The following CFAP54 variants were observed in gnomAD, a reference collection of about 807,000 sequenced individuals.
CFAP54 encodes the protein cilia- and flagella-associated protein 54.
Under a neutral mutation model 370.4 loss-of-function variants are expected in CFAP54, and 290 were observed. The ratio of observed to expected loss-of-function variants is 0.78; its 90% confidence interval spans 0.71 to 0.86. The LOEUF is 0.86. Among genes scored for constraint, CFAP54 ranks in the 40% least tolerant of loss-of-function variants. The probability of loss-of-function intolerance (pLI) is 0.00; values close to 1 mark genes in which losing one functional copy is unlikely to be tolerated. For synonymous variants in CFAP54, 1,206 were observed against 1,236.5 expected (o/e 0.98, Z 0.52); for missense variants, 3,399 against 3,528.7 (o/e 0.96, Z 0.93).
chr12:96,826,904 A>G (rs1959120062), intron 65 of CFAP54, among the ~76,000 whole-genome samples: 1 of 127,160 alleles, frequency 7.9e-6, no homozygotes, highest in Non-Finnish European at 1.6e-5. Flanking sequence ...GATATATTAT[A>G]TATGCAATTA....
chr12:96,592,094 A>G (rs182428870), intron 23 of CFAP54, among the ~76,000 whole-genome samples: 116 of 152,222 alleles, frequency 7.6e-4, no homozygotes, highest in African/African-American at 2.7e-3. Flanking sequence ...AGTGTCTTGT[A>G]CATAGTAGGC....
At chr12:96,759,070 A>C (rs1411385956) in intron 58 of CFAP54, among the ~76,000 whole-genome samples, 1 of 152,152 alleles carries the variant, frequency 6.6e-6, no homozygotes, top group Non-Finnish European at 1.5e-5. Flanking sequence ...TTTTCAGAAA[A>C]TGTTGGCATC....
intron 66 of CFAP54, among the ~76,000 whole-genome samples, chr12:96,831,755 A>G (rs1010956200): frequency 6.6e-5 from 10 of 152,188 alleles, no homozygotes; most frequent in Non-Finnish European, 1.3e-4. Flanking sequence ...TGCCTTGTAC[A>G]CCACATCTCT....
intron 63 of CFAP54, among the ~76,000 whole-genome samples, chr12:96,806,173 TA>T (rs1958876117): frequency 2.0e-5 from 1 of 50,668 alleles, no homozygotes; most frequent in African/African-American, 9.2e-5. Flanking sequence ...TATATATATA[TA>T]TATATATATA....
At chr12:96,714,780 T>TA (rs891308477) in intron 48 of CFAP54, among the ~76,000 whole-genome samples, 53 of 148,954 alleles carry the variant, frequency 3.6e-4, no homozygotes, top group South Asian at 1.7e-3. Context: ...AAAGAGGGTT[T>TA]AAAAAAAAAA....
intron 55 of CFAP54, among the ~76,000 whole-genome samples, chr12:96,750,395 C>A (rs918807944): frequency 2.6e-5 from 4 of 152,138 alleles, no homozygotes; most frequent in Non-Finnish European, 5.9e-5. Context: ...GCAGAATCTC[C>A]CATCTCCCTT....
chr12:96,823,820 G>A (rs186994193), intron 65 of CFAP54, among the ~76,000 whole-genome samples: 1,581 of 152,278 alleles, frequency 0.01, 6 homozygotes, highest in Middle Eastern at 0.034. Flanking sequence ...CTAGGACAAG[G>A]TAGGGGCAGC....
Position 96,786,898 on chromosome 12 carries a change from G to A in CFAP54, c.8679G>A (p.Lys2893=), listed in dbSNP as rs1297883550. ...SEKDLRESSA[K]LYRDSSVQSI... is the part of the protein sequence containing the mutation. ...AAGACTTACGTGAATCATCTGCCAA[G>A]GTAACGTTTTTTGAAACATGATATA... Residue 2893 remains lysine, a splice_region_variant and synonymous_variant, in exon 62 of 68, where the codon AAG becomes AAA. Transcript: ENST00000524981. The A allele has an allele frequency of 1.6e-5, 25 of 1,517,568 alleles. No homozygotes were observed. The highest frequency in any genetic ancestry group is 2.8e-5 in the African/African-American group (2 of 72,012). The allele number at this position is 1,517,568 out of a possible 1,614,324, so 94.0% of individuals were successfully genotyped here. A position where few individuals can be genotyped will look rare whatever the true frequency, so the allele number is the denominator to read the frequency against.
intron 26 of CFAP54, among the ~76,000 whole-genome samples, chr12:96,608,459 CTTT>C (rs5800258): frequency 1.9e-5 from 2 of 106,996 alleles, no homozygotes; most frequent in Non-Finnish European, 1.8e-5. Flanking sequence ...CATAGTAGGA[CTTT>C]TTTTTTTTTT....
chr12:96,500,571 T>A lies in CFAP54; in HGVS notation c.318-263T>A, dbSNP rs538517385. On this transcript the variant is annotated intron_variant, in intron 1 of 67. Coordinates refer to ENST00000524981, the MANE Select transcript of CFAP54 (RefSeq NM_001306084.2). ...GGTATATATGGGAAATCTCAGAATC[T>A]TCTGCTCAATTCTGTTGTGAACTTA... Among the ~76,000 whole-genome samples the A allele has an allele frequency of 3.9e-5, 6 of 152,308 alleles. No individual in the cohort carries two copies. The East Asian group carries it at 1.2e-3, about 29-fold the overall frequency.
chr12:96,720,470 C>G lies in CFAP54; in HGVS notation c.6870C>G (p.Thr2290=). ...TTCTGTCCGAGGTGGAACAGAAGACCCTGTCTCAGTGCTCCGCTGGCGAGC... is the reference window on the plus strand; with the variant it reads ...TTCTGTCCGAGGTGGAACAGAAGACGCTGTCTCAGTGCTCCGCTGGCGAGC... The part of the protein sequence containing the change: ...NFLLSEVEQK[T]LSQCSAGELE... The change falls in exon 50 of 68, where the codon ACC becomes ACG. Residue 2290 remains threonine (T), a synonymous_variant. Transcript: ENST00000524981. The G allele has an allele frequency of 6.2e-7, 1 of 1,605,062 alleles. No homozygotes were observed. Among genetic ancestry groups the G allele is most frequent in the African/African-American group, 1.3e-5 (1 of 74,664 alleles).
chr12:96,489,801 G>A lies in CFAP54; in HGVS notation c.192G>A (p.Pro64=), dbSNP rs1365962839. ...DSLPLAVFYG[P]LDAKNPLLAS... Reference sequence around the variant, plus strand: ...TGCCCCTAGCCGTGTTTTATGGGCCGCTGGACGCGAAAAACCCGCTCCTGG... The same window carrying A: ...TGCCCCTAGCCGTGTTTTATGGGCCACTGGACGCGAAAAACCCGCTCCTGG... The change falls in exon 1 of 68, where the codon CCG becomes CCA. Residue 64 remains proline (P), a synonymous_variant. Coordinates refer to ENST00000524981, the MANE Select transcript of CFAP54 (RefSeq NM_001306084.2). 2.0e-6 allele frequency: 3 copies of A among 1,536,010 alleles called. No individual in the cohort carries two copies. Among genetic ancestry groups the A allele is most frequent in the Non-Finnish European group, 2.6e-6 (3 of 1,146,930 alleles).
chr12:96,836,122 G>C (rs1488178315), intron 66 of CFAP54, among the ~76,000 whole-genome samples: 1 of 152,162 alleles, frequency 6.6e-6, no homozygotes, highest in Admixed American at 6.5e-5. Context: ...GGTGGAAAAA[G>C]ATGTAAGTTT....
chr12:96,849,604 C>A lies in CFAP54; in HGVS notation c.9172-11215C>A, dbSNP rs946581100. Among the ~76,000 whole-genome samples the A allele has an allele frequency of 3.3e-5, 5 of 152,126 alleles. No homozygotes were observed. In the East Asian group the frequency reaches 9.6e-4, roughly 29 times the overall value. On this transcript the variant is annotated intron_variant, in intron 66 of 67. Transcript: ENST00000524981. ...AACACAAAAGCACAAGTAATAAAAT[C>A]TTTATTATGATAGAATGTAGTAATC...
chr12:96,590,342 T>C (rs917188346), intron 23 of CFAP54, among the ~76,000 whole-genome samples: 5 of 152,218 alleles, frequency 3.3e-5, no homozygotes, highest in African/African-American at 1.2e-4. Flanking sequence ...TCGTCTTTAC[T>C]GCCATTTTCC....
chr12:96,662,246 C>T (rs1181465488), intron 38 of CFAP54, among the ~76,000 whole-genome samples: 2 of 152,106 alleles, frequency 1.3e-5, no homozygotes, highest in African/African-American at 4.8e-5. Flanking sequence ...AGTCTGTCAC[C>T]CAGGCTGGAG....
At chr12:96,805,413 G>T (rs566482926) in intron 63 of CFAP54, among the ~76,000 whole-genome samples, 65 of 151,820 alleles carry the variant, frequency 4.3e-4, no homozygotes, top group Non-Finnish European at 7.7e-4. Flanking sequence ...TTAAAAAGTG[G>T]ACTAAAAGCA....
intron 1 of CFAP54, among the ~76,000 whole-genome samples, chr12:96,492,735 G>A (rs1342210709): frequency 1.3e-5 from 2 of 152,244 alleles, no homozygotes; most frequent in African/African-American, 4.8e-5. Context: ...GCTTACGCCT[G>A]TAATCCCAGC....
chr12:96,864,517 T>C (rs1439339515), intron 67 of CFAP54, among the ~76,000 whole-genome samples: 1 of 152,082 alleles, frequency 6.6e-6, no homozygotes. Flanking sequence ...AGGAGGGAAG[T>C]GGTAAATTTC....
Sources: allele counts gnomAD v4.1 joint callset (sites outside exome capture counted in the v4.1 genomes callset), GRCh38; gene constraint gnomAD v4.1.1; transcripts MANE v1.5; gene names NCBI Gene and HGNC (gene_info 2026-07-23, HGNC 2026-07-21).